The following EIF5 variants were observed in gnomAD, a reference collection of about 807,000 sequenced individuals.
The protein encoded by EIF5 is eukaryotic translation initiation factor 5.
Under a neutral mutation model 48.3 loss-of-function variants are expected in EIF5, and 10 were observed. The observed-to-expected ratio is 0.21, with a 90% CI of 0.13 to 0.35. EIF5 has a LOEUF of 0.35. EIF5 is among the 10% of genes least tolerant of loss of function. The pLI, the probability that EIF5 is intolerant of heterozygous loss-of-function variation, is 1.00. For synonymous variants in EIF5, 237 were observed against 173.1 expected, an observed-to-expected ratio of 1.37 and a Z score of -2.90; for missense variants, 397 against 533.2, an observed-to-expected ratio of 0.74 and a Z score of 2.51.
At chr14:103,339,082 A>G (rs2089323074) in intron 8 of EIF5, 90 bp from the exon 9 acceptor site, 1 of 1,509,594 alleles carries the variant, frequency 6.6e-7, no homozygotes, top group Admixed American at 2.2e-5. Context: ...AGGCAGGAAA[A>G]ATATGTTCAT....
In EIF5 at chr14:103,341,764, T is replaced by C. The variant is rs1403968783; in HGVS notation, c.*712T>C. On this transcript the variant is annotated 3_prime_UTR_variant, in exon 12 of 12. Coordinates refer to ENST00000216554, the MANE Select transcript of EIF5 (RefSeq NM_001969.5). ...AAATTGTCTTTGAAGTCGTGTGCAT[T>C]GCACGTTGGATGAGCCAGGGAAATT... 3 of 152,654 alleles carry C rather than the reference T, an allele frequency of 2.0e-5. No individual in the cohort carries two copies. Among genetic ancestry groups the C allele is most frequent in the Non-Finnish European group, 4.4e-5 (3 of 68,046 alleles). 9.5% of individuals were successfully genotyped at this position (152,654 alleles called of 1,614,324 possible).
intron 4 of EIF5, 74 bp from the exon 5 acceptor site, chr14:103,336,603 T>A (rs1258524630): frequency 1.5e-5 from 22 of 1,444,252 alleles, no homozygotes; most frequent in Non-Finnish European, 2.0e-5. Context: ...AAAAGTGGTG[T>A]TCGTACAAAT....
At chr14:103,336,580 T>TC (rs1270550032) in intron 4 of EIF5, 97 bp from the exon 5 acceptor site, 1 of 1,059,108 alleles carries the variant, frequency 9.4e-7, no homozygotes, top group Non-Finnish European at 1.3e-6. Context: ...GACTCTTGTC[T>TC]CAAAAAAAAA....
chr14:103,339,446 C>CA, intron 9 of EIF5, 113 bp downstream of exon 9: 1 of 1,444,024 alleles, frequency 6.9e-7, no homozygotes, highest in South Asian at 1.4e-5. Context: ...GAAATTGACC[C>CA]ACCTTACAAG....
intron 10 of EIF5, among the ~76,000 whole-genome samples, chr14:103,340,074 C>G (rs1452325261): frequency 6.6e-6 from 1 of 152,138 alleles, no homozygotes; most frequent in Non-Finnish European, 1.5e-5. Context: ...CCAGGTTGGT[C>G]TCGAACACCT....
rs903028986 is a variant in EIF5, at chr14:103,344,894, A to G, written c.*3842A>G. 23 of 152,268 alleles carry G rather than the reference A, an allele frequency of 1.5e-4. No individual in the cohort carries two copies. Among genetic ancestry groups the G allele is most frequent in the African/African-American group, 4.8e-4 (20 of 41,472 alleles). The allele number at this position is 152,268 out of a possible 1,614,324, so 9.4% of individuals were successfully genotyped here. A position where few individuals can be genotyped will look rare whatever the true frequency, so the allele number is the denominator to read the frequency against. ...CTAGCAATACACTGTTTACAAGAGC[A>G]TCACCTAAAATGTGACAAAAGATGT... On this transcript the variant is annotated 3_prime_UTR_variant, in exon 12 of 12. Transcript: ENST00000216554.
intron 6 of EIF5, chr14:103,337,583 C>T (rs1434005514): frequency 3.0e-6 from 1 of 330,810 alleles, no homozygotes; most frequent in Admixed American, 4.7e-5. Flanking sequence ...GCTTGGGCAA[C>T]AGCGACTCTG....
rs773670665 is a variant in EIF5 at position 103,340,413 on chromosome 14, C to T, written c.1072-14C>T. 4 of 1,594,842 alleles carry T rather than the reference C, an allele frequency of 2.5e-6. No homozygotes were observed. The highest frequency in any genetic ancestry group is 2.3e-5 in the East Asian group (1 of 44,358). On this transcript the variant is annotated splice_polypyrimidine_tract_variant and intron_variant, in intron 10 of 11. Transcript: ENST00000216554. ...AAATTCCTCAACTAAGAGACTTGTACTCACATTTTTTAGGCCTCTAAGAAA... is the reference window on the plus strand; with the variant it reads ...AAATTCCTCAACTAAGAGACTTGTATTCACATTTTTTAGGCCTCTAAGAAA...
At chr14:103,337,066 T>A in intron 5 of EIF5, 50 bp from the exon 6 acceptor site, 1 of 1,537,054 alleles carries the variant, frequency 6.5e-7, no homozygotes, top group Non-Finnish European at 8.9e-7. Flanking sequence ...GTCCTCTGAT[T>A]AGATATTTTC....
intron 10 of EIF5, 135 bp from the exon 11 acceptor site, chr14:103,340,292 A>C (rs2089337982): frequency 3.3e-6 from 3 of 910,964 alleles, no homozygotes; most frequent in Admixed American, 4.6e-5. Context: ...TAACGTGTTC[A>C]CTGAGTACAT....
intron 5 of EIF5, 124 bp downstream of exon 5, chr14:103,336,973 G>A (rs1277103912): frequency 1.2e-5 from 17 of 1,394,014 alleles, no homozygotes; most frequent in Non-Finnish European, 1.4e-5. Flanking sequence ...TCCAGTTTTC[G>A]AGATATTTCC....
At chr14:103,338,286 AAGT>A (rs1380920208) in intron 6 of EIF5, 38 bp from the exon 7 acceptor site, 1 of 1,599,876 alleles carries the variant, frequency 6.3e-7, no homozygotes, top group Non-Finnish European at 8.5e-7. Flanking sequence ...GAGGTAATGT[AAGT>A]TATGGGGTTA....
rs117814725 is a variant in EIF5, at chr14:103,344,023, C to T, written c.*2971C>T. 1.3e-5 allele frequency: 2 copies of T among 152,208 alleles called. No individual in the cohort carries two copies. Among genetic ancestry groups the T allele is most frequent in the East Asian group, 3.9e-4 (2 of 5,188 alleles). 9.4% of individuals were successfully genotyped at this position (152,208 alleles called of 1,614,324 possible). A position where few individuals can be genotyped will look rare whatever the true frequency, so the allele number is the denominator to read the frequency against. ...TACAAAGCCAGAGCAGTCTTAGTAC[C>T]AGAAACAGTGTTGCACTTTCGTTGC... On this transcript the variant is annotated 3_prime_UTR_variant, in exon 12 of 12. Transcript: ENST00000216554.
At chr14:103,335,334 AC>A (rs2089272190) in intron 2 of EIF5, 2 of 156,252 alleles carry the variant, frequency 1.3e-5, no homozygotes, top group South Asian at 3.5e-4. Flanking sequence ...GTTCTTCAGC[AC>A]TTCCAGGATG....
intron 10 of EIF5, 53 bp downstream of exon 10, chr14:103,339,856 T>G: frequency 6.4e-7 from 1 of 1,565,724 alleles, no homozygotes; most frequent in Non-Finnish European, 8.6e-7. Context: ...GGGGGTTTTT[T>G]TGTTTGGTTG....
chr14:103,339,209 A>G lies in EIF5; in HGVS notation c.782A>G (p.Lys261Arg). ...KEEGVIDSSD[K>R]EIVAEAERLD... is the part of the protein sequence containing the mutation. ...GAGGGTGTTATTGATTCATCTGACA[A>G]AGAAATCGTTGCTGAAGCAGAAAGA... Residue 261 changes from lysine to arginine, a missense_variant, in exon 9 of 12, where the codon AAA (lysine) becomes AGA (arginine). Lys to Arg is a conservative substitution (Grantham distance 26). Transcript: ENST00000216554. 2 of 1,610,246 alleles carry G rather than the reference A, an allele frequency of 1.2e-6. No individual in the cohort carries two copies. Among genetic ancestry groups the G allele is most frequent in the East Asian group, 2.2e-5 (1 of 44,876 alleles).
chr14:103,337,107 T>C lies in EIF5; in HGVS notation c.328-9T>C. The C allele has an allele frequency of 2.5e-6, 4 of 1,606,042 alleles. No homozygotes were observed. The highest frequency in any genetic ancestry group is 3.4e-6 in the Non-Finnish European group (4 of 1,176,944). ...ATATTATGGATAACATTTGTTATTT[T>C]TTTGGCAGCATGTCAATCCAAAGAA... On this transcript the variant is annotated splice_polypyrimidine_tract_variant and intron_variant, in intron 5 of 11. Transcript: ENST00000216554.
At position 103,341,889 on chromosome 14, in the gene EIF5, CAAGG is replaced by C. The variant is rs1595366335; in HGVS notation, c.*842_*845del. ...ATAAACTGATTTTATTTGGGAGAAA[CAAGG>C]AAGGGTGCACTTAACTAGCAACCTA... On this transcript the variant is annotated 3_prime_UTR_variant, in exon 12 of 12. Coordinates refer to ENST00000216554, the MANE Select transcript of EIF5 (RefSeq NM_001969.5). 1 of 152,564 alleles carries C rather than the reference CAAGG, an allele frequency of 6.6e-6. No individual in the cohort carries two copies. Among genetic ancestry groups the C allele is most frequent in the African/African-American group, 2.4e-5 (1 of 41,436 alleles). The allele number at this position is 152,564 out of a possible 1,614,324, so 9.5% of individuals were successfully genotyped here. A position where few individuals can be genotyped will look rare whatever the true frequency, so the allele number is the denominator to read the frequency against.
intron 4 of EIF5, 125 bp from the exon 5 acceptor site, chr14:103,336,552 G>A: frequency 9.2e-7 from 1 of 1,085,844 alleles, no homozygotes; most frequent in Non-Finnish European, 1.3e-6. Flanking sequence ...TTGCACTCCA[G>A]CCTGGGTGAC....
Sources: allele counts gnomAD v4.1 joint callset (sites outside exome capture counted in the v4.1 genomes callset), GRCh38; gene constraint gnomAD v4.1.1; transcripts MANE v1.5; gene names NCBI Gene and HGNC (gene_info 2026-07-23, HGNC 2026-07-21).